The following CTCF variants were observed in gnomAD, a reference collection of about 807,000 sequenced individuals.
CTCF encodes the protein CCCTC-binding factor.
Under a neutral mutation model 72.3 loss-of-function variants are expected in CTCF, and 7 were observed. That is an observed-to-expected ratio of 0.10 (90% CI 0.06 to 0.18). CTCF has a LOEUF of 0.18. Ranked by LOEUF, CTCF falls within the 10% of genes least tolerant of loss-of-function variation. CTCF has a pLI of 1.00. For missense variants in CTCF, 516 were observed against 949.1 expected, an observed-to-expected ratio of 0.54 and a Z score of 6.00; for synonymous variants, 374 against 315.8, an observed-to-expected ratio of 1.18 and a Z score of -1.95.
intron 2 of CTCF, among the ~76,000 whole-genome samples, chr16:67,579,130 C>A (rs2051545342): frequency 6.6e-6 from 1 of 151,022 alleles, no homozygotes; most frequent in Admixed American, 6.6e-5. Context: ...TGGCACACGC[C>A]TGTAATCTCA....
At chr16:67,602,399 G>C (rs2051904362) in intron 2 of CTCF, among the ~76,000 whole-genome samples, 1 of 152,116 alleles carries the variant, frequency 6.6e-6, no homozygotes, top group Non-Finnish European at 1.5e-5. Context: ...TCAATTTTTT[G>C]TTCTTTGATA....
chr16:67,623,616 CAG>C (rs915169429), intron 7 of CTCF, among the ~76,000 whole-genome samples: 1 of 145,774 alleles, frequency 6.9e-6, no homozygotes, highest in African/African-American at 2.5e-5. Flanking sequence ...GCTTGGGTGA[CAG>C]AGAGACCCCA....
chr16:67,626,739 TTGGTG>T, intron 8 of CTCF, 24 bp downstream of exon 8: 1 of 1,387,244 alleles, frequency 7.2e-7, no homozygotes, highest in Non-Finnish European at 9.5e-7. Context: ...TTGAAAGTTG[TTGGTG>T]CTTTCTCGGT....
At chr16:67,615,739 A>G (rs2052123817) in intron 4 of CTCF, 1 of 152,244 alleles carries the variant, frequency 6.6e-6, no homozygotes, top group African/African-American at 2.4e-5. Flanking sequence ...CGTTAGATCC[A>G]TAGTGGTTCT....
intron 1 of CTCF, among the ~76,000 whole-genome samples, chr16:67,564,277 C>T (rs1177549874): frequency 6.6e-6 from 1 of 152,198 alleles, no homozygotes; most frequent in African/African-American, 2.4e-5. Flanking sequence ...TTCATTGCAG[C>T]AGTTAATGTA....
intron 2 of CTCF, among the ~76,000 whole-genome samples, chr16:67,603,881 C>T (rs2051933304): frequency 6.7e-6 from 1 of 149,452 alleles, no homozygotes; most frequent in African/African-American, 2.5e-5. Flanking sequence ...GTAATCCTAG[C>T]AATTTGGGAG....
At chr16:67,624,005 G>A (rs558748324) in intron 7 of CTCF, among the ~76,000 whole-genome samples, 127 of 148,484 alleles carry the variant, frequency 8.6e-4, no homozygotes, top group Middle Eastern at 3.5e-3. Context: ...CGGAGATCGC[G>A]CCACGGCACT....
chr16:67,576,055 G>T (rs2051491769), intron 2 of CTCF, among the ~76,000 whole-genome samples: 1 of 150,218 alleles, frequency 6.7e-6, no homozygotes, highest in African/African-American at 2.5e-5. Context: ...CAGCTACTTG[G>T]GAGGCTGAGA....
In CTCF at chr16:67,604,740, T is replaced by TG. The variant is rs1343751933; in HGVS notation, c.-9-6084_-9-6083insG. ...ATTAATTTCACCAGGGTTTTTTTTTTTTTTGTTTTTTGTTTTTTTTTTTTA... is the reference window on the plus strand; with the variant it reads ...ATTAATTTCACCAGGGTTTTTTTTTTGTTTTGTTTTTTGTTTTTTTTTTTTA... On this transcript the variant is annotated intron_variant, in intron 2 of 11. Coordinates refer to ENST00000264010, the MANE Select transcript of CTCF (RefSeq NM_006565.4). 3.5e-3 allele frequency among the ~76,000 whole-genome samples: 443 copies of TG among 125,998 alleles called. 3 individuals are homozygous for TG. The highest frequency in any genetic ancestry group is 0.014 in the Middle Eastern group (4 of 284). The allele number at this position is 125,998 out of a possible 152,430, so 82.7% of individuals were successfully genotyped here.
rs769722938 is a variant in CTCF at position 67,611,466 on chromosome 16, C to G, written c.634C>G (p.Leu212Val). The G allele has an allele frequency of 6.2e-7, 1 of 1,614,166 alleles. No homozygotes were observed. The change falls in exon 3 of 12, where the codon CTG (leucine) becomes GTG (valine). Residue 212 changes from leucine to valine, a missense_variant. This residue lies in a region of CTCF where 53 missense variants were observed against 63.6 expected (regional missense o/e 0.83). Coordinates refer to ENST00000264010, the MANE Select transcript of CTCF (RefSeq NM_006565.4). Reference protein sequence around the residue: ...KKTKKTKKSKLRYTEEGKDVD... With the variant: ...KKTKKTKKSKVRYTEEGKDVD... Reference sequence around the variant, plus strand: ...AACAAAGAAAACCAAAAAGAGCAAACTGCGTTATACAGAGGAGGGCAAAGA... The same window carrying G: ...AACAAAGAAAACCAAAAAGAGCAAAGTGCGTTATACAGAGGAGGGCAAAGA...
intron 2 of CTCF, among the ~76,000 whole-genome samples, chr16:67,605,350 A>ATGTTCTT (rs2051960298): frequency 6.6e-6 from 1 of 152,136 alleles, no homozygotes; most frequent in African/African-American, 2.4e-5. Flanking sequence ...CATTCTACAA[A>ATGTTCTT]TGTTCTTTGA....
intron 2 of CTCF, among the ~76,000 whole-genome samples, chr16:67,609,547 A>G (rs1046087122): frequency 6.6e-6 from 1 of 152,068 alleles, no homozygotes; most frequent in African/African-American, 2.4e-5. Flanking sequence ...GTGATTGATT[A>G]CTGTCTCTTT....
At chr16:67,602,226 T>C (rs530643975) in intron 2 of CTCF, among the ~76,000 whole-genome samples, 1 of 152,256 alleles carries the variant, frequency 6.6e-6, no homozygotes, top group Admixed American at 6.5e-5. Context: ...AGATAGAATT[T>C]TTTTCCGTTG....
chr16:67,581,526 CAG>C (rs974019745), intron 2 of CTCF, among the ~76,000 whole-genome samples: 1 of 151,832 alleles, frequency 6.6e-6, no homozygotes, highest in Admixed American at 6.6e-5. Context: ...CTTTTTCAGA[CAG>C]AGTCTTCCTC....
chr16:67,585,410 A>AAT (rs2051656403), intron 2 of CTCF, among the ~76,000 whole-genome samples: 1 of 152,230 alleles, frequency 6.6e-6, no homozygotes, highest in South Asian at 2.1e-4. Flanking sequence ...CCAACTTTAA[A>AAT]AAAGTTTGCC....
chr16:67,629,051 CA>C (rs75890530), intron 9 of CTCF, among the ~76,000 whole-genome samples: 329 of 130,382 alleles, frequency 2.5e-3, no homozygotes, highest in East Asian at 4.2e-3. Context: ...GACTCCGTCT[CA>C]AAAAAAAAAA....
At chr16:67,613,156 C>T (rs1321762122) in intron 4 of CTCF, among the ~76,000 whole-genome samples, 1 of 152,206 alleles carries the variant, frequency 6.6e-6, no homozygotes, top group Non-Finnish European at 1.5e-5. Context: ...TGCACTAAAC[C>T]TCTCTTTAAG....
At chr16:67,622,357 A>C (rs1405069060) in intron 7 of CTCF, among the ~76,000 whole-genome samples, 2 of 148,760 alleles carry the variant, frequency 1.3e-5, no homozygotes, top group African/African-American at 2.5e-5. Context: ...CTCTGTCTCA[A>C]AAAAAAAAAA....
rs184176290 is a variant in CTCF, at chr16:67,588,346, C to T, written c.-10+17082C>T. ...CTTGCTATAGATTCTCAGTCTTTCT[C>T]CTATTCCAAGTGATGAAAAGACTGT... On this transcript the variant is annotated intron_variant, in intron 2 of 11. Coordinates refer to ENST00000264010, the MANE Select transcript of CTCF (RefSeq NM_006565.4). 3.9e-5 allele frequency among the ~76,000 whole-genome samples: 6 copies of T among 152,282 alleles called. No individual in the cohort carries two copies. The East Asian group carries it at 1.2e-3, about 29-fold the overall frequency.
Sources: gnomAD v4.1 joint callset for allele counts (sites outside exome capture counted in the v4.1 genomes callset) on GRCh38, gnomAD v4.1.1 for gene constraint, gnomAD v4.1.1 regional missense constraint, MANE v1.5 for transcripts, NCBI Gene and HGNC (gene_info 2026-07-23, HGNC 2026-07-21) for gene names.